The following ZMIZ2 variants were observed in gnomAD, a reference collection of about 807,000 sequenced individuals.
ZMIZ2 encodes the protein zinc finger MIZ-type containing 2.
ZMIZ2 carries 26 observed loss-of-function variants against 93.9 expected under a neutral mutation model. The observed-to-expected ratio is 0.28, with a 90% CI of 0.20 to 0.38. ZMIZ2 has a LOEUF of 0.38. Ranked by LOEUF, ZMIZ2 falls within the 10% of genes least tolerant of loss-of-function variation. The probability of loss-of-function intolerance (pLI) is 1.00; values close to 1 mark genes in which losing one functional copy is unlikely to be tolerated. For synonymous variants in ZMIZ2, 485 were observed against 516.4 expected (o/e 0.94, Z 0.82); for missense variants, 1,023 against 1,235.0 (o/e 0.83, Z 2.57).
At chr7:44,749,647 C>T (rs146426887) in intron 1 of ZMIZ2, among the ~76,000 whole-genome samples, 24 of 152,184 alleles carry the variant, frequency 1.6e-4, no homozygotes, top group African/African-American at 5.8e-4. Context: ...TGTCCTTCAC[C>T]GCGGCACCCC....
intron 1 of ZMIZ2, among the ~76,000 whole-genome samples, chr7:44,753,425 TGAG>T (rs1562721841): frequency 6.6e-6 from 1 of 152,104 alleles, no homozygotes; most frequent in Non-Finnish European, 1.5e-5. Context: ...TTAAATTTCT[TGAG>T]GAGTCGGGGG....
In ZMIZ2 at chr7:44,763,850, A is replaced by G. The variant is rs1334706503; in HGVS notation, c.1860+437A>G. The G allele has an allele frequency of 5.7e-6, 1 of 175,966 alleles. No individual in the cohort carries two copies. The highest frequency in any genetic ancestry group is 1.6e-4 in the East Asian group (1 of 6,154). 10.9% of individuals were successfully genotyped at this position (175,966 alleles called of 1,614,324 possible). ...CTGTCGTTTTTCTTCTTTTAACACC[A>G]TGTTCTGAGGCTGGGCGCGGTGGCT... is the stretch of plus-strand genomic sequence containing the variant. On this transcript the variant is annotated intron_variant, in intron 13 of 18. Coordinates refer to ENST00000309315, the MANE Select transcript of ZMIZ2 (RefSeq NM_031449.4). This position sits in a 1 kb window ranked among gnomAD's most constrained non-coding sequence, Gnocchi z 5.6.
rs984285426 is a variant in ZMIZ2, at chr7:44,763,920, C to T, written c.1861-499C>T. The stretch of plus-strand genomic sequence containing the variant: ...CTTTGGGAGGCTGAGGTGGGCAGAT[C>T]GAGGTAAGGAGTTCGAGACCAGCCT... On this transcript the variant is annotated intron_variant, in intron 13 of 18. Coordinates refer to ENST00000309315, the MANE Select transcript of ZMIZ2 (RefSeq NM_031449.4). The surrounding 1 kb of genome is among the most constrained non-coding windows in gnomAD (Gnocchi z 5.6). 3.3e-5 allele frequency among the ~76,000 whole-genome samples: 5 copies of T among 152,112 alleles called. No individual in the cohort carries two copies. The highest frequency in any genetic ancestry group is 2.1e-4 in the South Asian group (1 of 4,800).
rs777965693 is a variant in ZMIZ2, at chr7:44,762,884, C to T, written c.1600C>T (p.His534Tyr). The T allele has an allele frequency of 6.2e-7, 1 of 1,607,884 alleles. No homozygotes were observed. Among genetic ancestry groups the T allele is most frequent in the South Asian group, 1.1e-5 (1 of 90,626 alleles). Residue 534 changes from histidine (H) to tyrosine (Y), a missense_variant, in exon 12 of 19, where the codon CAC becomes TAC. By Grantham distance (83) the His-to-Tyr change is moderately conservative. Around this residue, in one of 3 missense-constraint regions of ZMIZ2, gnomAD observed 656 missense variants for 777.1 expected, o/e 0.84. Coordinates refer to ENST00000309315, the MANE Select transcript of ZMIZ2 (RefSeq NM_031449.4). ...QITVTACCCS[H>Y]LFVLQLVHRP... ...ACATCCTCCCGTTGTATTGCAGTCCCACCTCTTCGTGCTGCAGCTAGTGCA... is the reference window on the plus strand; with the variant it reads ...ACATCCTCCCGTTGTATTGCAGTCCTACCTCTTCGTGCTGCAGCTAGTGCA...
intron 2 of ZMIZ2, 43 bp downstream of exon 2, chr7:44,756,342 G>A (rs1790587592): frequency 6.2e-7 from 1 of 1,613,984 alleles, no homozygotes; most frequent in Non-Finnish European, 8.5e-7. Flanking sequence ...CCCTGGGGTT[G>A]GGGGTGGCAT....
At chr7:44,753,540 C>T (rs577575891) in intron 1 of ZMIZ2, among the ~76,000 whole-genome samples, 3 of 152,340 alleles carry the variant, frequency 2.0e-5, no homozygotes, top group South Asian at 4.1e-4. Flanking sequence ...GCCACTGTGC[C>T]TGGCTGAGAA....
chr7:44,752,300 G>A (rs1790224827), intron 1 of ZMIZ2, among the ~76,000 whole-genome samples: 1 of 151,902 alleles, frequency 6.6e-6, no homozygotes, highest in African/African-American at 2.4e-5. Flanking sequence ...GTTAGTTTTT[G>A]CCCAGCTAAT....
chr7:44,753,015 G>A (rs972636471), intron 1 of ZMIZ2, among the ~76,000 whole-genome samples: 2 of 152,106 alleles, frequency 1.3e-5, no homozygotes, highest in African/African-American at 2.4e-5. Flanking sequence ...CCAGCATTTA[G>A]TGATGTCACT....
chr7:44,766,467 C>A lies in ZMIZ2; in HGVS notation c.2459C>A (p.Pro820Gln). Reference sequence around the variant, plus strand: ...GACCCCACTCACAATCCTGGGACACCAGGACTACACACCTCCAACCTTGGG... The same window carrying A: ...GACCCCACTCACAATCCTGGGACACAAGGACTACACACCTCCAACCTTGGG... ...HLDPTHNPGT[P>Q]GLHTSNLGAP... Residue 820 changes from proline to glutamine, a missense_variant, in exon 18 of 19, where the codon CCA becomes CAA. Around this residue, in one of 3 missense-constraint regions of ZMIZ2, gnomAD observed 319 missense variants for 358.8 expected, o/e 0.89. Coordinates refer to ENST00000309315, the MANE Select transcript of ZMIZ2 (RefSeq NM_031449.4). The surrounding 1 kb of genome is among the most constrained non-coding windows in gnomAD (Gnocchi z 4.4). 1.2e-6 allele frequency: 2 copies of A among 1,614,160 alleles called. No individual in the cohort carries two copies. The highest frequency in any genetic ancestry group is 1.7e-6 in the Non-Finnish European group (2 of 1,180,018).
Position 44,759,286 on chromosome 7 carries a change from T to C in ZMIZ2, c.819T>C (p.Tyr273=). 6.5e-7 allele frequency: 1 copy of C among 1,541,414 alleles called. No homozygotes were observed. Among genetic ancestry groups the C allele is most frequent in the Non-Finnish European group, 8.7e-7 (1 of 1,144,652 alleles). Residue 273 remains tyrosine (Y), a synonymous_variant, in exon 7 of 19, where the codon TAT becomes TAC. Transcript: ENST00000309315. Reference sequence around the variant, plus strand: ...GCATTTTGCCTCTTTTTCAGGTGTATCCAGGGCAGCAGTATCTGCAAGGAG... The same window carrying C: ...GCATTTTGCCTCTTTTTCAGGTGTACCCAGGGCAGCAGTATCTGCAAGGAG... ...QGVKRTYSEV[Y]PGQQYLQGGQ...
chr7:44,763,270 A>G lies in ZMIZ2; in HGVS notation c.1717A>G (p.Ser573Gly). Residue 573 changes from serine (S) to glycine (G), a missense_variant, in exon 13 of 19, where the codon AGC becomes GGC. Around this residue, in one of 3 missense-constraint regions of ZMIZ2, gnomAD observed 656 missense variants for 777.1 expected, o/e 0.84. Coordinates refer to ENST00000309315, the MANE Select transcript of ZMIZ2 (RefSeq NM_031449.4). The surrounding 1 kb of genome is among the most constrained non-coding windows in gnomAD (Gnocchi z 5.6). ...HCITKIKRNF[S>G]SGTIPGTPGP... ...GTTGATGTCAGTAAAGCGGAACTTC[A>G]GCAGCGGCACCATCCCTGGCACCCC... 1.1e-5 allele frequency: 17 copies of G among 1,613,950 alleles called. No homozygotes were observed. Among genetic ancestry groups the G allele is most frequent in the Non-Finnish European group, 1.4e-5 (17 of 1,179,946 alleles).
intron 6 of ZMIZ2, 43 bp downstream of exon 6, chr7:44,758,151 TCCCTCACC>T (rs1790782759): frequency 1.3e-6 from 2 of 1,496,476 alleles, no homozygotes; most frequent in East Asian, 4.7e-5. Context: ...GGGTACCAAC[TCCCTCACC>T]CAGGCACTCT....
intron 4 of ZMIZ2, 85 bp downstream of exon 4, chr7:44,757,234 C>A: frequency 6.6e-7 from 1 of 1,506,608 alleles, no homozygotes; most frequent in Non-Finnish European, 8.8e-7. Flanking sequence ...ATCAGCTGGA[C>A]GTTCCCTCTC....
intron 8 of ZMIZ2, 33 bp downstream of exon 8, chr7:44,760,261 G>A: frequency 2.5e-6 from 4 of 1,598,936 alleles, no homozygotes; most frequent in Non-Finnish European, 3.4e-6. Flanking sequence ...TGGGCCGGGA[G>A]GCTCACAGGG....
rs375271716 is a variant in ZMIZ2 at position 44,759,391 on chromosome 7, C to T, written c.924C>T (p.His308=). The T allele has an allele frequency of 6.2e-7, 1 of 1,604,456 alleles. No individual in the cohort carries two copies. The change falls in exon 7 of 19, where the codon CAC becomes CAT. Residue 308 remains histidine, a synonymous_variant. Coordinates refer to ENST00000309315, the MANE Select transcript of ZMIZ2 (RefSeq NM_031449.4). ...CCCCCTCCCCTTCCTACCCTGGGCA[C>T]AGGCTGCCCCTGCAGCAGGGCATGA... ...PPAPSPSYPG[H]RLPLQQGMTQ...
At chr7:44,752,118 C>CA (rs1244786848) in intron 1 of ZMIZ2, among the ~76,000 whole-genome samples, 1 of 151,936 alleles carries the variant, frequency 6.6e-6, no homozygotes, top group African/African-American at 2.4e-5. Context: ...AAAGAGGTTA[C>CA]AGCCTGTTGC....
At position 44,763,021 on chromosome 7, in the gene ZMIZ2, C is replaced by G; in HGVS notation, c.1702+35C>G. 6.3e-7 allele frequency: 1 copy of G among 1,582,128 alleles called. No individual in the cohort carries two copies. Among genetic ancestry groups the G allele is most frequent in the Middle Eastern group, 1.7e-4 (1 of 5,940 alleles). ...TCCTGCCCCTCAGCTGCCAGGCAGC[C>G]ATCCCCATTCTGTGTGGCCCAAGCC... is the stretch of plus-strand genomic sequence containing the variant. On this transcript the variant is annotated intron_variant, in intron 12 of 18. Coordinates refer to ENST00000309315, the MANE Select transcript of ZMIZ2 (RefSeq NM_031449.4). The surrounding 1 kb of genome is among the most constrained non-coding windows in gnomAD (Gnocchi z 5.6).
chr7:44,759,444 C>A lies in ZMIZ2; in HGVS notation c.977C>A (p.Thr326Lys). The change falls in exon 7 of 19, where the codon ACG becomes AAG. Residue 326 changes from threonine (T) to lysine (K), a missense_variant. Physicochemically the swap from Thr to Lys is moderately conservative, Grantham distance 78. Coordinates refer to ENST00000309315, the MANE Select transcript of ZMIZ2 (RefSeq NM_031449.4). ...CAGTCCCTGTCCGTGCCTGGCCCCA[C>A]GGGACTGCATTATAAGGTAGGGCAG... is the stretch of plus-strand genomic sequence containing the variant. ...MTQSLSVPGP[T>K]GLHYKPTEQF... The A allele has an allele frequency of 1.3e-6, 2 of 1,565,144 alleles. No individual in the cohort carries two copies. Among genetic ancestry groups the A allele is most frequent in the Non-Finnish European group, 1.7e-6 (2 of 1,156,024 alleles).
rs571886714 is a variant in ZMIZ2, at chr7:44,761,042, A to G, written c.1241-407A>G. ...CCCGGAAGCCCATTCCAGGGAGACC[A>G]CAGCAGCAGAAGTTGGGATCGTAGA... On this transcript the variant is annotated intron_variant, in intron 9 of 18. Transcript: ENST00000309315. This position sits in a 1 kb window ranked among gnomAD's most constrained non-coding sequence, Gnocchi z 5.8. 2.0e-5 allele frequency among the ~76,000 whole-genome samples: 3 copies of G among 152,282 alleles called. No homozygotes were observed. The highest frequency in any genetic ancestry group is 6.5e-5 in the Admixed American group (1 of 15,302).
Sources: allele counts gnomAD v4.1 joint callset (sites outside exome capture counted in the v4.1 genomes callset), GRCh38; gene constraint gnomAD v4.1.1; regional missense constraint gnomAD v4.1.1; non-coding constraint Gnocchi (gnomAD v3.1); transcripts MANE v1.5; gene names NCBI Gene and HGNC (gene_info 2026-07-23, HGNC 2026-07-21).